The following AP1S3 variants were observed in gnomAD, a reference collection of about 807,000 sequenced individuals.
The protein encoded by AP1S3 is adaptor related protein complex 1 subunit sigma 3.
Under a neutral mutation model 20.9 loss-of-function variants are expected in AP1S3, and 10 were observed. The ratio of observed to expected loss-of-function variants is 0.48; its 90% CI spans 0.29 to 0.81. The LOEUF (loss-of-function observed/expected upper bound fraction) is 0.81. Among genes scored for constraint, AP1S3 ranks in the 30% least tolerant of loss-of-function variants. The pLI is 0.08. For missense variants in AP1S3, 154 were observed against 183.8 expected (o/e 0.84, Z 0.94); for synonymous variants, 41 against 61.5 (o/e 0.67, Z 1.56).
chr2:223,818,239 AAACCCAGTCTC>A (rs1473347026), intron 1 of AP1S3, among the ~76,000 whole-genome samples: 6 of 152,054 alleles, frequency 3.9e-5, no homozygotes, highest in Non-Finnish European at 8.8e-5. Flanking sequence ...CAATATGGCA[AAACCCAGTCTC>A]TACTAAAAAT....
chr2:223,791,547 C>A (rs1379431606), intron 1 of AP1S3, among the ~76,000 whole-genome samples: 3 of 152,052 alleles, frequency 2.0e-5, no homozygotes, highest in Admixed American at 2.0e-4. Flanking sequence ...AATAATAAGG[C>A]CATTTGTGAC....
At chr2:223,769,159 G>C (rs1169273005) in intron 3 of AP1S3, among the ~76,000 whole-genome samples, 1 of 152,134 alleles carries the variant, frequency 6.6e-6, no homozygotes, top group Non-Finnish European at 1.5e-5. Flanking sequence ...ACTTTGGGCT[G>C]TTTCCAGTTT....
chr2:223,775,995 T>G lies in AP1S3; in HGVS notation c.197A>C (p.Tyr66Ser). 1 of 1,613,656 alleles carries G rather than the reference T, an allele frequency of 6.2e-7. No homozygotes were observed. The change falls in exon 3 of 5, where the codon TAT becomes TCT. Residue 66 changes from tyrosine to serine, a missense_variant. By Grantham distance (144) the Tyr-to-Ser change is moderately radical. Coordinates refer to ENST00000396654, the MANE Select transcript of AP1S3 (RefSeq NM_001039569.2). ...CTGATTTTCTATTGCACAGCAAAAA[T>G]ATAAACTAGCATACCTTGAAATGAA... The part of the protein sequence containing the change: ...KLVYKRYASL[Y>S]FCCAIENQDN...
intron 1 of AP1S3, among the ~76,000 whole-genome samples, chr2:223,828,379 C>T (rs1423490069): frequency 6.6e-6 from 1 of 150,390 alleles, no homozygotes; most frequent in Non-Finnish European, 1.5e-5. Context: ...TCACTGCAAC[C>T]TCTGCCTCCC....
chr2:223,772,531 T>G (rs760882281), intron 3 of AP1S3, among the ~76,000 whole-genome samples: 6 of 152,248 alleles, frequency 3.9e-5, no homozygotes, highest in Non-Finnish European at 5.9e-5. Flanking sequence ...CTCAGACTCT[T>G]ATCTGGCATG....
chr2:223,820,536 T>A (rs2106125230), intron 1 of AP1S3, among the ~76,000 whole-genome samples: 1 of 143,844 alleles, frequency 7.0e-6, no homozygotes, highest in East Asian at 1.9e-4. Context: ...GTGTACATAC[T>A]ATCCCTATCA....
chr2:223,831,171 C>T (rs1339995890), intron 1 of AP1S3, among the ~76,000 whole-genome samples: 1 of 152,088 alleles, frequency 6.6e-6, no homozygotes, highest in Non-Finnish European at 1.5e-5. Context: ...CACTCTGTCA[C>T]CAAGGCTGGA....
At chr2:223,764,333 G>A (rs1325033872) in intron 4 of AP1S3, among the ~76,000 whole-genome samples, 1 of 152,116 alleles carries the variant, frequency 6.6e-6, no homozygotes, top group African/African-American at 2.4e-5. Flanking sequence ...ATCTAGGGGT[G>A]GCAGGTCTGG....
chr2:223,777,588 G>T (rs540083826), intron 2 of AP1S3, 103 bp downstream of exon 2: 7 of 1,064,916 alleles, frequency 6.6e-6, no homozygotes, highest in African/African-American at 3.2e-5. Context: ...AGCCTTCAAA[G>T]ATTTCAGTAA....
rs373986262 is a variant in AP1S3, at chr2:223,811,543, T to C, written c.3+25905A>G. 7.4e-5 allele frequency among the ~76,000 whole-genome samples: 11 copies of C among 148,870 alleles called. No individual in the cohort carries two copies. In the East Asian group the frequency reaches 9.9e-4, roughly 13 times the overall value. ...GAGATCATGCCACTGCACTCCAGCC[T>C]GGGTGACACAGTGAGACTCCATTTC... On this transcript the variant is annotated intron_variant, in intron 1 of 4. Coordinates refer to ENST00000396654, the MANE Select transcript of AP1S3 (RefSeq NM_001039569.2).
chr2:223,824,943 C>A (rs16865241), intron 1 of AP1S3, among the ~76,000 whole-genome samples: 25,746 of 151,944 alleles, frequency 0.17, 2,776 homozygotes, highest in East Asian at 0.41. Flanking sequence ...ATACTGGATA[C>A]ATAATTCGTT....
chr2:223,826,532 G>T (rs1363903532), intron 1 of AP1S3, among the ~76,000 whole-genome samples: 4 of 152,290 alleles, frequency 2.6e-5, no homozygotes, highest in Middle Eastern at 6.8e-3. Context: ...GGCAGGGGTC[G>T]CAGTGAGCAG....
intron 1 of AP1S3, among the ~76,000 whole-genome samples, chr2:223,825,427 C>T (rs573910989): frequency 2.0e-5 from 3 of 152,294 alleles, no homozygotes; most frequent in Admixed American, 1.3e-4. Flanking sequence ...CTGACCCCTT[C>T]CCTCTCACAC....
Position 223,835,649 on chromosome 2 carries a change from C to T in AP1S3, c.3+1799G>A, listed in dbSNP as rs145309003. On this transcript the variant is annotated intron_variant, in intron 1 of 4. Coordinates refer to ENST00000396654, the MANE Select transcript of AP1S3 (RefSeq NM_001039569.2). ...CAGCCTGGGTGACAGAGCAAGATTC[C>T]GTCTCGAAGAAAAAAAAATAATAAT... Among the ~76,000 whole-genome samples, 22 of 151,940 alleles carry T rather than the reference C, an allele frequency of 1.4e-4. No homozygotes were observed. In the East Asian group the frequency reaches 3.7e-3, roughly 25 times the overall value.
intron 3 of AP1S3, among the ~76,000 whole-genome samples, chr2:223,775,046 G>A (rs1690751522): frequency 1.6e-5 from 1 of 60,950 alleles, no homozygotes; most frequent in African/African-American, 7.9e-5. Context: ...AATCAAGAAG[G>A]GCGAATTTAA....
rs75257530 is a variant in AP1S3, at chr2:223,833,269, C to T, written c.3+4179G>A. Among the ~76,000 whole-genome samples, 768 of 152,220 alleles carry T rather than the reference C, an allele frequency of 5.0e-3. 3 individuals are homozygous for T. The highest frequency in any genetic ancestry group is 7.3e-3 in the South Asian group (35 of 4,818). ...ACATACATACATACATACATACATACATACATACATACATAAACAACATAA... is the reference window on the plus strand; with the variant it reads ...ACATACATACATACATACATACATATATACATACATACATAAACAACATAA... On this transcript the variant is annotated intron_variant, in intron 1 of 4. Coordinates refer to ENST00000396654, the MANE Select transcript of AP1S3 (RefSeq NM_001039569.2).
intron 1 of AP1S3, among the ~76,000 whole-genome samples, chr2:223,811,280 A>C (rs138511276): frequency 6.6e-6 from 1 of 151,812 alleles, no homozygotes; most frequent in Admixed American, 6.6e-5. Context: ...TTTTAGTGAA[A>C]TATCTGGCCA....
chr2:223,761,369 G>A (rs960067190), intron 4 of AP1S3, among the ~76,000 whole-genome samples: 3 of 152,154 alleles, frequency 2.0e-5, no homozygotes, highest in Non-Finnish European at 2.9e-5. Flanking sequence ...TAGCAGTTTC[G>A]CCTGCATCCA....
intron 1 of AP1S3, among the ~76,000 whole-genome samples, chr2:223,813,590 C>G (rs557964307): frequency 1.3e-5 from 2 of 152,154 alleles, no homozygotes; most frequent in Admixed American, 1.3e-4. Context: ...GGCAGCAGAT[C>G]CCCAACTCTG....
Sources: allele counts gnomAD v4.1 joint callset (sites outside exome capture counted in the v4.1 genomes callset), GRCh38; gene constraint gnomAD v4.1.1; transcripts MANE v1.5; gene names NCBI Gene and HGNC (gene_info 2026-07-23, HGNC 2026-07-21).